Variants in POU6F2 observed in about 807,000 individuals in gnomAD.
POU6F2 encodes the protein POU domain, class 6, transcription factor 2.
POU6F2 carries 31 observed loss-of-function variants against 71.3 expected under a neutral mutation model. That is an observed-to-expected ratio of 0.43 (90% confidence interval 0.33 to 0.59). The LOEUF (loss-of-function observed/expected upper bound fraction) is 0.59, where lower values mean the gene tolerates loss of function less well. Ranked by LOEUF, POU6F2 falls within the 20% of genes least tolerant of loss-of-function variation. POU6F2 has a pLI of 0.04. For synonymous variants in POU6F2, 347 were observed against 355.7 expected (o/e 0.98, Z 0.27); for missense variants, 783 against 856.8 (o/e 0.91, Z 1.07).
chr7:39,238,443 G>C (rs554009078), intron 4 of POU6F2, among the ~76,000 whole-genome samples: 1 of 152,198 alleles, frequency 6.6e-6, no homozygotes, highest in East Asian at 1.9e-4. Flanking sequence ...TCTAGATAAA[G>C]CTTTACTGGA....
chr7:39,103,968 G>A lies in POU6F2; in HGVS notation c.277+17937G>A, dbSNP rs185771674. Among the ~76,000 whole-genome samples, 455 of 152,332 alleles carry A rather than the reference G, an allele frequency of 3.0e-3. 3 individuals are homozygous for A. Among genetic ancestry groups the A allele is most frequent in the African/African-American group, 0.01 (431 of 41,572 alleles). On this transcript the variant is annotated intron_variant, in intron 2 of 9. Coordinates refer to ENST00000518318, the MANE Select transcript of POU6F2 (RefSeq NM_001370959.1). The stretch of plus-strand genomic sequence containing the variant: ...AAGTAAAGAATTAGGGCTTCCTTAT[G>A]GGAAAAGGGGTAGGACCAGGAAGAG...
Position 39,461,223 on chromosome 7 carries a change from T to C in POU6F2, c.1658+508T>C, listed in dbSNP as rs1197279910. Among the ~76,000 whole-genome samples the C allele has an allele frequency of 2.0e-5, 3 of 152,178 alleles. No homozygotes were observed. In the East Asian group the frequency reaches 5.8e-4, roughly 29 times the overall value. Reference sequence around the variant, plus strand: ...CCCAGACACAGCTTTAAAAGCACATTTATAAGAAATAAAAAATAAAAGAAA... The same window carrying C: ...CCCAGACACAGCTTTAAAAGCACATCTATAAGAAATAAAAAATAAAAGAAA... On this transcript the variant is annotated intron_variant, in intron 9 of 9. Transcript: ENST00000518318.
chr7:39,314,301 A>G (rs956103316), intron 4 of POU6F2, among the ~76,000 whole-genome samples: 2 of 151,906 alleles, frequency 1.3e-5, no homozygotes, highest in African/African-American at 4.9e-5. Context: ...TAATTGAGCA[A>G]GCAGATCATC....
Position 39,312,388 on chromosome 7 carries a change from T to C in POU6F2, c.599-27254T>C, listed in dbSNP as rs144221348. On this transcript the variant is annotated intron_variant, in intron 4 of 9. Coordinates refer to ENST00000518318, the MANE Select transcript of POU6F2 (RefSeq NM_001370959.1). ...CATAGTAAGCTGGTCTCCAGCTTTT[T>C]CACAGAAACATTCAGTGCCAGAAGA... Among the ~76,000 whole-genome samples, 478 of 152,330 alleles carry C rather than the reference T, an allele frequency of 3.1e-3. 3 individuals carry two copies. The highest frequency in any genetic ancestry group is 0.011 in the African/African-American group (438 of 41,574).
chr7:39,320,953 G>A (rs1785377165), intron 4 of POU6F2, among the ~76,000 whole-genome samples: 1 of 152,178 alleles, frequency 6.6e-6, no homozygotes, highest in Non-Finnish European at 1.5e-5. Flanking sequence ...CTACTTGGGA[G>A]GCTGAAGTGG....
At chr7:39,109,623 G>C (rs1791763038) in intron 2 of POU6F2, among the ~76,000 whole-genome samples, 1 of 152,160 alleles carries the variant, frequency 6.6e-6, no homozygotes, top group Admixed American at 6.5e-5. Flanking sequence ...TTGGTAAAAA[G>C]TATTGTTTAG....
intron 7 of POU6F2, among the ~76,000 whole-genome samples, chr7:39,435,774 A>T (rs191146620): frequency 0.013 from 1,972 of 152,256 alleles, 30 homozygotes; most frequent in African/African-American, 0.043. Context: ...TTTACATTTA[A>T]GTCTAATCCA....
At chr7:39,118,446 T>C (rs1791976975) in intron 2 of POU6F2, among the ~76,000 whole-genome samples, 1 of 151,678 alleles carries the variant, frequency 6.6e-6, no homozygotes. Flanking sequence ...CATAAGATAC[T>C]ACAATTGTGC....
At chr7:39,019,839 T>G (rs1282167697) in intron 1 of POU6F2, among the ~76,000 whole-genome samples, 1 of 152,176 alleles carries the variant, frequency 6.6e-6, no homozygotes, top group Non-Finnish European at 1.5e-5. Context: ...ATTAAAATTA[T>G]TTTATGATTC....
intron 4 of POU6F2, among the ~76,000 whole-genome samples, chr7:39,210,266 A>G (rs1794112669): frequency 6.6e-6 from 1 of 152,196 alleles, no homozygotes; most frequent in African/African-American, 2.4e-5. Flanking sequence ...TTGGTCATGA[A>G]TAGTGCCCTT....
At chr7:39,381,961 A>G (rs1383169443) in intron 5 of POU6F2, among the ~76,000 whole-genome samples, 1 of 152,142 alleles carries the variant, frequency 6.6e-6, no homozygotes, top group African/African-American at 2.4e-5. Context: ...TTCACCCACA[A>G]CTAGGGTAAC....
At chr7:39,340,039 T>G in intron 5 of POU6F2, 24 bp downstream of exon 5, 1 of 1,575,226 alleles carries the variant, frequency 6.3e-7, no homozygotes, top group South Asian at 1.2e-5. Flanking sequence ...GCTTCCCGTC[T>G]GCCCCTAGGA....
chr7:39,126,481 C>A (rs150168518), intron 2 of POU6F2, among the ~76,000 whole-genome samples: 2 of 152,314 alleles, frequency 1.3e-5, no homozygotes, highest in African/African-American at 4.8e-5. Context: ...GATGTTGAGT[C>A]AGTCCCTGCT....
At chr7:39,390,552 A>G (rs1787047501) in intron 5 of POU6F2, among the ~76,000 whole-genome samples, 1 of 152,214 alleles carries the variant, frequency 6.6e-6, no homozygotes, top group Admixed American at 6.5e-5. Flanking sequence ...ACCAAAAGGA[A>G]TGTTTTCCAG....
intron 4 of POU6F2, among the ~76,000 whole-genome samples, chr7:39,322,446 G>C (rs1272621388): frequency 6.6e-6 from 1 of 152,038 alleles, no homozygotes; most frequent in Non-Finnish European, 1.5e-5. Context: ...GTGGAATTTG[G>C]GTCAGCCCTT....
intron 7 of POU6F2, among the ~76,000 whole-genome samples, chr7:39,450,625 A>C (rs1788636760): frequency 6.6e-6 from 1 of 152,162 alleles, no homozygotes; most frequent in Non-Finnish European, 1.5e-5. Flanking sequence ...ATCATGAATA[A>C]ATGGATATAA....
intron 4 of POU6F2, among the ~76,000 whole-genome samples, chr7:39,289,655 A>G (rs1265382553): frequency 6.6e-6 from 1 of 152,256 alleles, no homozygotes; most frequent in African/African-American, 2.4e-5. Flanking sequence ...GATGTTTTAA[A>G]AGAAAATGTA....
chr7:39,174,362 T>A (rs1266718001), intron 2 of POU6F2, among the ~76,000 whole-genome samples: 1 of 152,196 alleles, frequency 6.6e-6, no homozygotes, highest in African/African-American at 2.4e-5. Flanking sequence ...TGTGTCCTGA[T>A]CATTGAGTGT....
chr7:39,451,022 C>T (rs145586712), intron 7 of POU6F2, among the ~76,000 whole-genome samples: 155 of 152,254 alleles, frequency 1.0e-3, no homozygotes, highest in African/African-American at 3.7e-3. Flanking sequence ...GAAACCCATC[C>T]GGACTCTAGA....
Sources: gnomAD v4.1 joint callset for allele counts (sites outside exome capture counted in the v4.1 genomes callset) on GRCh38, gnomAD v4.1.1 for gene constraint, MANE v1.5 for transcripts, NCBI Gene and HGNC (gene_info 2026-07-23, HGNC 2026-07-21) for gene names.